The following DLGAP4 variants were observed in gnomAD, a reference collection of about 807,000 sequenced individuals.
DLGAP4 encodes the protein DLG associated protein 4.
A neutral mutation model predicts 86.9 loss-of-function variants in DLGAP4; 18 were observed. The ratio of observed to expected loss-of-function variants is 0.21; its 90% CI spans 0.14 to 0.31. The LOEUF (loss-of-function observed/expected upper bound fraction) is 0.31. Ranked by LOEUF, DLGAP4 falls within the 10% of genes least tolerant of loss-of-function variation. The pLI is 1.00. For synonymous variants in DLGAP4, 548 were observed against 574.3 expected (o/e 0.95, Z 0.65); for missense variants, 1,085 against 1,362.6 (o/e 0.80, Z 3.21).
intron 2 of DLGAP4, among the ~76,000 whole-genome samples, chr20:36,374,083 C>T (rs888378378): frequency 1.3e-5 from 2 of 151,052 alleles, no homozygotes; most frequent in Admixed American, 6.6e-5. Flanking sequence ...GAACCCAGAT[C>T]TTACGGTCAG....
intron 2 of DLGAP4, among the ~76,000 whole-genome samples, chr20:36,427,935 C>T (rs1442549513): frequency 6.6e-6 from 1 of 151,802 alleles, no homozygotes; most frequent in Non-Finnish European, 1.5e-5. Context: ...AAGAGCAAGA[C>T]TCCGTGTCAA....
intron 10 of DLGAP4, chr20:36,508,422 C>CTTTTTTTTTTTTTTT (rs745815364): frequency 4.2e-5 from 4 of 94,472 alleles, no homozygotes; most frequent in African/African-American, 1.3e-4. Flanking sequence ...TTTCAGGGTT[C>CTTTTTTTTTTTTTTT]TTTTTTTTTT....
chr20:36,499,121 T>C, intron 8 of DLGAP4: 1 of 1,003,034 alleles, frequency 1.0e-6, no homozygotes, highest in Admixed American at 2.5e-5. Flanking sequence ...GGAGTGATCT[T>C]TGCCTCAAGA....
chr20:36,314,354 G>GTTT (rs1339967805), intron 1 of DLGAP4, among the ~76,000 whole-genome samples: 1 of 3,976 alleles, frequency 2.5e-4, no homozygotes, highest in African/African-American at 1.5e-3. Context: ...GTGTGTGTGT[G>GTTT]GTGTGGTGTG....
chr20:36,472,272 C>T (rs772241030), intron 7 of DLGAP4, among the ~76,000 whole-genome samples: 4 of 152,092 alleles, frequency 2.6e-5, no homozygotes, highest in Admixed American at 6.6e-5. Context: ...GAAGCCAAGA[C>T]GAGTGGATCA....
intron 10 of DLGAP4, among the ~76,000 whole-genome samples, chr20:36,509,764 T>C (rs2036584851): frequency 6.6e-6 from 1 of 151,944 alleles, no homozygotes; most frequent in Admixed American, 6.6e-5. Flanking sequence ...AAACAAAAAG[T>C]ACTTTAAAAA....
intron 1 of DLGAP4, among the ~76,000 whole-genome samples, chr20:36,343,038 T>C (rs1042683696): frequency 1.3e-5 from 2 of 151,928 alleles, no homozygotes; most frequent in Admixed American, 6.5e-5. Context: ...AGGGAGAGGA[T>C]GCTAGAGAGG....
At chr20:36,313,619 G>A (rs1393192912) in intron 1 of DLGAP4, among the ~76,000 whole-genome samples, 1 of 152,100 alleles carries the variant, frequency 6.6e-6, no homozygotes, top group Non-Finnish European at 1.5e-5. Flanking sequence ...GGGCAGGGCC[G>A]TGGTCCAGAG....
chr20:36,455,141 C>T (rs1029128263), intron 7 of DLGAP4, among the ~76,000 whole-genome samples: 1 of 151,950 alleles, frequency 6.6e-6, no homozygotes, highest in Non-Finnish European at 1.5e-5. Context: ...GAACAGCCTC[C>T]CTCCTCCTCC....
chr20:36,500,641 A>C lies in DLGAP4; in HGVS notation c.2512+30A>C, dbSNP rs773417352. The C allele has an allele frequency of 2.1e-6, 3 of 1,429,172 alleles. No individual in the cohort carries two copies. The highest frequency in any genetic ancestry group is 2.8e-6 in the Non-Finnish European group (3 of 1,089,254). The allele number at this position is 1,429,172 out of a possible 1,614,324, so 88.5% of individuals were successfully genotyped here. A position where few individuals can be genotyped will look rare whatever the true frequency, so the allele number is the denominator to read the frequency against. Reference sequence around the variant, plus strand: ...GTGCCACATGGATGGTCCTTGGGCAAGGGTAGAAGGTGTTGGCAGCTGGTT... The same window carrying C: ...GTGCCACATGGATGGTCCTTGGGCACGGGTAGAAGGTGTTGGCAGCTGGTT... On this transcript the variant is annotated intron_variant, in intron 10 of 12. Transcript: ENST00000339266. The surrounding 1 kb of genome is among the most constrained non-coding windows in gnomAD (Gnocchi z 4.6).
chr20:36,384,471 A>G (rs1463032375), intron 2 of DLGAP4, among the ~76,000 whole-genome samples: 1 of 152,184 alleles, frequency 6.6e-6, no homozygotes, highest in Non-Finnish European at 1.5e-5. Context: ...TCTAAGCAGC[A>G]ACCTACAGGG....
intron 10 of DLGAP4, among the ~76,000 whole-genome samples, chr20:36,506,954 T>A (rs2036409258): frequency 6.6e-6 from 1 of 152,248 alleles, no homozygotes; most frequent in African/African-American, 2.4e-5. Context: ...TCACTTTGCA[T>A]AATGTCTTCA....
chr20:36,523,111 G>T (rs547085992), intron 10 of DLGAP4, among the ~76,000 whole-genome samples: 6 of 152,274 alleles, frequency 3.9e-5, no homozygotes, highest in Non-Finnish European at 8.8e-5. Context: ...GAGGCAGGGG[G>T]TCTCACTCTG....
intron 1 of DLGAP4, among the ~76,000 whole-genome samples, chr20:36,317,682 C>CT (rs2065123208): frequency 3.3e-5 from 5 of 151,890 alleles, no homozygotes; most frequent in South Asian, 2.1e-4. Flanking sequence ...GTCTTGAACT[C>CT]TTGGCCTCAA....
intron 7 of DLGAP4, among the ~76,000 whole-genome samples, chr20:36,483,140 TG>T (rs2035263238): frequency 6.6e-6 from 1 of 152,132 alleles, no homozygotes; most frequent in Non-Finnish European, 1.5e-5. Context: ...ACTCTGCAGG[TG>T]GGTCTCTGAG....
intron 4 of DLGAP4, 71 bp from the exon 5 acceptor site, chr20:36,439,683 T>G (rs1026532278): frequency 5.0e-5 from 67 of 1,344,294 alleles, no homozygotes; most frequent in Non-Finnish European, 6.8e-5. Flanking sequence ...GCATCACAGA[T>G]GGTCAAGGCC....
At chr20:36,512,298 C>T (rs1242680189) in intron 10 of DLGAP4, among the ~76,000 whole-genome samples, 3 of 152,048 alleles carry the variant, frequency 2.0e-5, no homozygotes, top group African/African-American at 7.2e-5. Flanking sequence ...GATCCGCCCA[C>T]CGCAGCCTCC....
chr20:36,327,049 G>A (rs901586681), intron 1 of DLGAP4, among the ~76,000 whole-genome samples: 2 of 145,558 alleles, frequency 1.4e-5, no homozygotes, highest in African/African-American at 5.2e-5. Flanking sequence ...ACCCAGGCTG[G>A]AGTGCAGTAG....
intron 1 of DLGAP4, among the ~76,000 whole-genome samples, chr20:36,314,229 C>T (rs2065077676): frequency 6.6e-6 from 1 of 150,510 alleles, no homozygotes; most frequent in South Asian, 2.1e-4. Context: ...ATCTATGCAT[C>T]CAACCCTCAT....
Sources: gnomAD v4.1 joint callset for allele counts (sites outside exome capture counted in the v4.1 genomes callset) on GRCh38, gnomAD v4.1.1 for gene constraint, Gnocchi (gnomAD v3.1) non-coding constraint, MANE v1.5 for transcripts, NCBI Gene and HGNC (gene_info 2026-07-23, HGNC 2026-07-21) for gene names.